Variants in RPGRIP1 observed in about 807,000 individuals in gnomAD.
RPGRIP1 encodes the protein RPGR interacting protein 1, also known as X-linked retinitis pigmentosa GTPase regulator-interacting protein 1.
Under a neutral mutation model 157.9 loss-of-function variants are expected in RPGRIP1, and 128 were observed. The observed-to-expected ratio is 0.81, with a 90% CI of 0.70 to 0.94. The LOEUF (loss-of-function observed/expected upper bound fraction) is 0.94, where lower values mean the gene tolerates loss of function less well. Among genes scored for constraint, RPGRIP1 ranks in the 40% least tolerant of loss-of-function variants. The pLI is 0.00. For missense variants in RPGRIP1, 1,486 were observed against 1,545.8 expected (o/e 0.96, Z 0.65); for synonymous variants, 554 against 571.6 (o/e 0.97, Z 0.44).
At chr14:21,319,304 G>A (rs766796964) in intron 11 of RPGRIP1, among the ~76,000 whole-genome samples, 12 of 152,094 alleles carry the variant, frequency 7.9e-5, no homozygotes, top group Non-Finnish European at 1.8e-4. Flanking sequence ...GCTCATGCCT[G>A]TAATCCCAGC....
At chr14:21,305,786 G>T (rs976063778) in intron 6 of RPGRIP1, among the ~76,000 whole-genome samples, 2 of 152,072 alleles carry the variant, frequency 1.3e-5, no homozygotes, top group African/African-American at 4.8e-5. Flanking sequence ...GCTTGAACCC[G>T]AGAGGCAGGG....
In RPGRIP1 at chr14:21,324,681, C is replaced by T; in HGVS notation, c.1826C>T (p.Ala609Val). 6.2e-7 allele frequency: 1 copy of T among 1,614,004 alleles called. No homozygotes were observed. The highest frequency in any genetic ancestry group is 8.5e-7 in the Non-Finnish European group (1 of 1,179,888). Residue 609 changes from alanine (A) to valine (V), a missense_variant, in exon 15 of 25, where the codon GCC becomes GTC. Physicochemically the swap from Ala to Val is moderately conservative, Grantham distance 64. Coordinates refer to ENST00000400017, the MANE Select transcript of RPGRIP1 (RefSeq NM_020366.4). The stretch of plus-strand genomic sequence containing the variant: ...TCGTTATGTTTGGAAACACTGCCAG[C>T]CCATGGAGATGAGGATAAAGTGGAT... ...PLSLCLETLP[A>V]HGDEDKVDIS...
rs1343654376 is a variant in RPGRIP1 at position 21,327,544 on chromosome 14, G to A, written c.2711-79G>A. 2.7e-6 allele frequency: 3 copies of A among 1,126,238 alleles called. No individual in the cohort carries two copies. In the African/African-American group the frequency reaches 4.6e-5, roughly 17 times the overall value. 69.8% of individuals were successfully genotyped at this position (1,126,238 alleles called of 1,614,324 possible). On this transcript the variant is annotated intron_variant, in intron 17 of 24. Transcript: ENST00000400017. ...ATATGTTGAAATTAAAAATGGGAAGGAAGTAGATAAGGTGCTGACAAATGC... is the reference window on the plus strand; with the variant it reads ...ATATGTTGAAATTAAAAATGGGAAGAAAGTAGATAAGGTGCTGACAAATGC...
intron 23 of RPGRIP1, among the ~76,000 whole-genome samples, chr14:21,345,829 C>T (rs575399389): frequency 1.3e-5 from 2 of 149,332 alleles, no homozygotes; most frequent in Admixed American, 6.7e-5. Flanking sequence ...TGACATTCTT[C>T]TTTTTTTTGA....
intron 6 of RPGRIP1, among the ~76,000 whole-genome samples, chr14:21,304,463 A>G (rs955800868): frequency 6.6e-6 from 1 of 150,648 alleles, no homozygotes; most frequent in Non-Finnish European, 1.5e-5. Flanking sequence ...TAAAGGAGAT[A>G]AGTTTATGTA....
At position 21,327,816 on chromosome 14, in the gene RPGRIP1, C is replaced by T; in HGVS notation, c.2895+9C>T. The T allele has an allele frequency of 6.4e-7, 1 of 1,570,528 alleles. No individual in the cohort carries two copies. The highest frequency in any genetic ancestry group is 8.6e-7 in the Non-Finnish European group (1 of 1,158,532). On this transcript the variant is annotated intron_variant, in intron 18 of 24. Coordinates refer to ENST00000400017, the MANE Select transcript of RPGRIP1 (RefSeq NM_020366.4). Reference sequence around the variant, plus strand: ...CTTCATTTCCTTCCCAGGTAACTCTCCAGGACTCCACAGGTAGCAGATCTC... The same window carrying T: ...CTTCATTTCCTTCCCAGGTAACTCTTCAGGACTCCACAGGTAGCAGATCTC...
Position 21,324,953 on chromosome 14 carries a change from C to T in RPGRIP1, c.2098C>T (p.Arg700Trp), listed in dbSNP as rs775239691. The T allele has an allele frequency of 2.7e-5, 43 of 1,613,904 alleles. No homozygotes were observed. The highest frequency in any genetic ancestry group is 6.6e-5 in the South Asian group (6 of 91,084). ...ACACTACCTTCAAGAGGCTTCAGCCCGGCTTGACATACACCAGGCCATGGC... is the reference window on the plus strand; with the variant it reads ...ACACTACCTTCAAGAGGCTTCAGCCTGGCTTGACATACACCAGGCCATGGC... Reference protein sequence around the residue: ...FLHYLQEASARLDIHQAMASE... With the variant: ...FLHYLQEASAWLDIHQAMASE... Residue 700 changes from arginine to tryptophan, a missense_variant, in exon 15 of 25, where the codon CGG (arginine) becomes TGG (tryptophan). Transcript: ENST00000400017.
chr14:21,328,403 A>G (rs1039931950), intron 18 of RPGRIP1, 21 bp from the exon 19 acceptor site: 1 of 1,573,196 alleles, frequency 6.4e-7, no homozygotes, highest in South Asian at 1.1e-5. Context: ...TTGTAATGCT[A>G]TCTCTGATCT....
chr14:21,292,379 G>A lies in RPGRIP1; in HGVS notation c.86-2298G>A, dbSNP rs190610911. Among the ~76,000 whole-genome samples, 743 of 150,804 alleles carry A rather than the reference G, an allele frequency of 4.9e-3. 7 individuals carry two copies. Among genetic ancestry groups the A allele is most frequent in the African/African-American group, 0.017 (695 of 41,016 alleles). Reference sequence around the variant, plus strand: ...CTGTTTTCGGAGAAAAAAAAATTTTGATGTCACAAATAGATAAAACCACAT... The same window carrying A: ...CTGTTTTCGGAGAAAAAAAAATTTTAATGTCACAAATAGATAAAACCACAT... On this transcript the variant is annotated intron_variant, in intron 2 of 24. Transcript: ENST00000400017.
chr14:21,343,866 GTTTTTTT>G (rs67535379), intron 22 of RPGRIP1, among the ~76,000 whole-genome samples: 12 of 50,434 alleles, frequency 2.4e-4, no homozygotes, highest in African/African-American at 8.4e-4. Flanking sequence ...CTCTTTTCCT[GTTTTTTT>G]TTTTTTTTTT....
At chr14:21,325,572 C>T (rs181014870) in intron 16 of RPGRIP1, among the ~76,000 whole-genome samples, 189 bp downstream of exon 16, 27 of 152,344 alleles carry the variant, frequency 1.8e-4, no homozygotes, top group African/African-American at 5.5e-4. Context: ...GCCTTTGGAG[C>T]GAGCTACATC....
chr14:21,343,360 T>G (rs1243288135), intron 22 of RPGRIP1, 132 bp downstream of exon 22: 1 of 711,490 alleles, frequency 1.4e-6, no homozygotes, highest in African/African-American at 1.8e-5. Context: ...CAAAGTGTTG[T>G]GTGCATGTGG....
In RPGRIP1 at chr14:21,321,398, A is replaced by G. The variant is rs907195332; in HGVS notation, c.1607A>G (p.Tyr536Cys). Residue 536 changes from tyrosine (Y) to cysteine (C), a missense_variant, in exon 13 of 25, where the codon TAT (tyrosine) becomes TGT (cysteine). Transcript: ENST00000400017. ...LILQRKINVC[Y>C]QEELEAMMTK... ...CTGCAGCGCAAAATCAACGTGTGTT[A>G]TCAGGTGCAAGGAAAGATGGTACAG... 13 of 1,610,370 alleles carry G rather than the reference A, an allele frequency of 8.1e-6. No homozygotes were observed. The highest frequency in any genetic ancestry group is 1.1e-5 in the Non-Finnish European group (13 of 1,178,624).
chr14:21,282,577 T>G (rs966361046), intron 1 of RPGRIP1, among the ~76,000 whole-genome samples: 16 of 149,854 alleles, frequency 1.1e-4, no homozygotes, highest in Non-Finnish European at 1.9e-4. Flanking sequence ...TCAAAACAAT[T>G]GATAAACCCT....
chr14:21,309,570 T>C (rs1351953637), intron 7 of RPGRIP1, among the ~76,000 whole-genome samples: 1 of 152,076 alleles, frequency 6.6e-6, no homozygotes, highest in Non-Finnish European at 1.5e-5. Context: ...ACTGAAATAC[T>C]AAAAGATTAG....
At chr14:21,340,017 T>C (rs1884825902) in intron 21 of RPGRIP1, among the ~76,000 whole-genome samples, 2 of 152,036 alleles carry the variant, frequency 1.3e-5, no homozygotes, top group Admixed American at 1.3e-4. Context: ...TGAGGAAAGA[T>C]TTCTCTGAGG....
intron 2 of RPGRIP1, among the ~76,000 whole-genome samples, chr14:21,288,615 A>G (rs1384403597): frequency 6.6e-6 from 1 of 151,596 alleles, no homozygotes; most frequent in East Asian, 1.9e-4. Context: ...CCCGGGTTCA[A>G]GCAGTTCTCC....
chr14:21,280,278 C>T (rs1394553250), intron 1 of RPGRIP1, among the ~76,000 whole-genome samples, 119 bp downstream of exon 1: 1 of 122,258 alleles, frequency 8.2e-6, no homozygotes, highest in Non-Finnish European at 1.6e-5. Context: ...GAGTCTTACT[C>T]TGTCGCCCAG....
At chr14:21,340,124 G>A (rs1884838206) in intron 21 of RPGRIP1, among the ~76,000 whole-genome samples, 1 of 152,178 alleles carries the variant, frequency 6.6e-6, no homozygotes, top group African/African-American at 2.4e-5. Flanking sequence ...ATTGGTAAGT[G>A]TAAAGGCCCT....
Sources: allele counts gnomAD v4.1 joint callset (sites outside exome capture counted in the v4.1 genomes callset), GRCh38; gene constraint gnomAD v4.1.1; transcripts MANE v1.5; gene names NCBI Gene and HGNC (gene_info 2026-07-23, HGNC 2026-07-21).